Variants in MDGA2 observed in about 807,000 individuals in gnomAD.
MDGA2 encodes the protein MAM domain containing glycosylphosphatidylinositol anchor 2, also known as MAM domain-containing glycosylphosphatidylinositol anchor protein 2.
In MDGA2, 40 loss-of-function variants were observed where a neutral mutation model predicts 117.8. The ratio of observed to expected loss-of-function variants is 0.34; its 90% confidence interval spans 0.26 to 0.44. The LOEUF (loss-of-function observed/expected upper bound fraction) is 0.44, where lower values mean the gene tolerates loss of function less well. MDGA2 is among the 20% of genes least tolerant of loss of function. The pLI is 1.00. For synonymous variants in MDGA2, 452 were observed against 439.0 expected, an observed-to-expected ratio of 1.03 and a Z score of -0.37; for missense variants, 1,123 against 1,250.6, an observed-to-expected ratio of 0.90 and a Z score of 1.54.
At chr14:46,976,935 A>C (rs1886483777) in intron 8 of MDGA2, among the ~76,000 whole-genome samples, 1 of 151,986 alleles carries the variant, frequency 6.6e-6, no homozygotes, top group Non-Finnish European at 1.5e-5. Flanking sequence ...CATGCCTTGG[A>C]ATGTAAACAT....
chr14:47,030,720 A>G (rs1181771773), intron 8 of MDGA2, among the ~76,000 whole-genome samples: 1 of 152,170 alleles, frequency 6.6e-6, no homozygotes, highest in African/African-American at 2.4e-5. Flanking sequence ...AAATTAAACA[A>G]TGGACAAAAT....
intron 2 of MDGA2, among the ~76,000 whole-genome samples, chr14:47,244,458 T>C (rs1887172567): frequency 6.6e-6 from 1 of 151,940 alleles, no homozygotes; most frequent in Non-Finnish European, 1.5e-5. Flanking sequence ...GCCTTTGGTA[T>C]CTAACATATT....
At chr14:47,323,343 A>C (rs1230226652) in intron 1 of MDGA2, among the ~76,000 whole-genome samples, 1 of 151,864 alleles carries the variant, frequency 6.6e-6, no homozygotes, top group Admixed American at 6.6e-5. Context: ...AAAGACAAAC[A>C]GTCCAGGTGC....
intron 14 of MDGA2, among the ~76,000 whole-genome samples, chr14:46,856,439 T>G (rs57079916): frequency 0.036 from 5,521 of 152,158 alleles, 351 homozygotes; most frequent in African/African-American, 0.13. Context: ...ATTTTCTCAC[T>G]TTCCTCTGTA....
chr14:47,519,922 T>C (rs10873009), intron 1 of MDGA2, among the ~76,000 whole-genome samples: 114,473 of 152,056 alleles, frequency 0.75, 43,519 homozygotes, highest in East Asian at 1. Context: ...GGTCATTATG[T>C]TTCTTGATAA....
chr14:47,506,898 T>G (rs930943837), intron 1 of MDGA2, among the ~76,000 whole-genome samples: 2 of 152,076 alleles, frequency 1.3e-5, no homozygotes, highest in African/African-American at 4.8e-5. Context: ...CAGAGTTTAT[T>G]TTATGGCTCT....
chr14:46,930,475 G>A (rs1006870203), intron 9 of MDGA2, among the ~76,000 whole-genome samples: 2 of 151,992 alleles, frequency 1.3e-5, no homozygotes, highest in Non-Finnish European at 2.9e-5. Context: ...TTTAATGGAC[G>A]TTTTAAAAAT....
At chr14:47,408,107 G>A (rs1421836444) in intron 1 of MDGA2, among the ~76,000 whole-genome samples, 1 of 146,506 alleles carries the variant, frequency 6.8e-6, no homozygotes, top group East Asian at 2.0e-4. Flanking sequence ...CCAGGCTGGA[G>A]TGCAGTGGCA....
At chr14:47,176,540 A>G (rs1249017928) in intron 3 of MDGA2, among the ~76,000 whole-genome samples, 1 of 152,244 alleles carries the variant, frequency 6.6e-6, no homozygotes, top group Non-Finnish European at 1.5e-5. Context: ...GAGAAAAACA[A>G]GCAATGGAGA....
chr14:47,667,835 C>CA (rs1413769526), intron 1 of MDGA2, among the ~76,000 whole-genome samples: 1 of 152,114 alleles, frequency 6.6e-6, no homozygotes, highest in Non-Finnish European at 1.5e-5. Context: ...AAATATACTG[C>CA]TTGAAGATAC....
chr14:47,413,024 T>G (rs1001305528), intron 1 of MDGA2, among the ~76,000 whole-genome samples: 3 of 152,252 alleles, frequency 2.0e-5, no homozygotes, highest in Non-Finnish European at 4.4e-5. Context: ...GGACCATTTT[T>G]GCTCTAGTCT....
chr14:47,023,443 C>T (rs373692674), intron 8 of MDGA2, among the ~76,000 whole-genome samples: 2 of 152,086 alleles, frequency 1.3e-5, no homozygotes, highest in African/African-American at 2.4e-5. Flanking sequence ...GGTCTAAATG[C>T]TTTTTAGGCA....
At chr14:47,118,902 A>T (rs10138245) in intron 5 of MDGA2, among the ~76,000 whole-genome samples, 84,759 of 151,496 alleles carry the variant, frequency 0.56, 23,793 homozygotes, top group Middle Eastern at 0.64. Flanking sequence ...CCTGGATAAT[A>T]TTTTAAATTA....
chr14:47,553,303 T>C (rs1330216488), intron 1 of MDGA2, among the ~76,000 whole-genome samples: 3 of 152,242 alleles, frequency 2.0e-5, no homozygotes, highest in Non-Finnish European at 2.9e-5. Context: ...CGGCACAGAA[T>C]AGATGTCTAA....
At chr14:47,053,468 A>G (rs1231324866) in intron 7 of MDGA2, among the ~76,000 whole-genome samples, 1 of 151,422 alleles carries the variant, frequency 6.6e-6, no homozygotes, top group East Asian at 1.9e-4. Context: ...ATGTGACATT[A>G]CTGTATTCTA....
chr14:47,426,956 T>C (rs1003840241), intron 1 of MDGA2, among the ~76,000 whole-genome samples: 3 of 152,000 alleles, frequency 2.0e-5, no homozygotes, highest in African/African-American at 4.8e-5. Context: ...AGGAAAAATG[T>C]CTGGAAAGTA....
intron 1 of MDGA2, among the ~76,000 whole-genome samples, chr14:47,517,020 G>C (rs1203594437): frequency 1.3e-5 from 2 of 152,038 alleles, no homozygotes; most frequent in East Asian, 3.9e-4. Context: ...AGAAACAATT[G>C]GAAGGAATCA....
chr14:46,883,492 T>A (rs1019959185), intron 10 of MDGA2, among the ~76,000 whole-genome samples: 1 of 152,060 alleles, frequency 6.6e-6, no homozygotes, highest in Non-Finnish European at 1.5e-5. Flanking sequence ...TTTTTAATGC[T>A]TATATATTAG....
chr14:47,247,809 G>A (rs146941486), intron 2 of MDGA2, among the ~76,000 whole-genome samples: 3 of 150,876 alleles, frequency 2.0e-5, no homozygotes, highest in Non-Finnish European at 1.5e-5. Flanking sequence ...CCCACTCCCT[G>A]ATAGGCCCCG....
Sources: gnomAD v4.1 joint callset for allele counts (sites outside exome capture counted in the v4.1 genomes callset) on GRCh38, gnomAD v4.1.1 for gene constraint, MANE v1.5 for transcripts, NCBI Gene and HGNC (gene_info 2026-07-23, HGNC 2026-07-21) for gene names.